Variants in GPC5 observed in about 807,000 individuals in gnomAD.
GPC5 encodes glypican 5, also known as glypican-5.
GPC5 carries 47 observed loss-of-function variants against 53.9 expected under a neutral mutation model. The ratio of observed to expected loss-of-function variants is 0.87; its 90% confidence interval spans 0.69 to 1.11. GPC5 has a LOEUF of 1.11. GPC5 is among the 50% of genes most tolerant of loss of function. The pLI, the probability that GPC5 is intolerant of heterozygous loss-of-function variation, is 0.00. For synonymous variants in GPC5, 286 were observed against 263.3 expected, an observed-to-expected ratio of 1.09 and a Z score of -0.84; for missense variants, 748 against 713.1, an observed-to-expected ratio of 1.05 and a Z score of -0.56.
chr13:92,310,031 C>T (rs2043135644), intron 7 of GPC5, among the ~76,000 whole-genome samples: 1 of 152,060 alleles, frequency 6.6e-6, no homozygotes, highest in Non-Finnish European at 1.5e-5. Context: ...GTTTATTTTG[C>T]TTACCATGAT....
At chr13:92,852,633 CT>C (rs1878853770) in intron 7 of GPC5, among the ~76,000 whole-genome samples, 1 of 151,980 alleles carries the variant, frequency 6.6e-6, no homozygotes, top group Non-Finnish European at 1.5e-5. Context: ...TGCAATGATG[CT>C]ATCATAGTTC....
intron 7 of GPC5, among the ~76,000 whole-genome samples, chr13:92,415,838 C>G (rs1011697975): frequency 6.6e-6 from 1 of 152,062 alleles, no homozygotes; most frequent in Non-Finnish European, 1.5e-5. Context: ...GATGAGGGTT[C>G]ATGCAAATGA....
In GPC5 at chr13:91,457,583, G is replaced by A. The variant is rs912416179; in HGVS notation, c.325+8661G>A. Among the ~76,000 whole-genome samples the A allele has an allele frequency of 5.3e-5, 8 of 152,056 alleles. No individual in the cohort carries two copies. In the South Asian group the frequency reaches 8.3e-4, roughly 16 times the overall value. ...GTGCATAGGGACAATGCACCCTGCCGCAGCACAGGGGATGACATGAAATGG... is the reference window on the plus strand; with the variant it reads ...GTGCATAGGGACAATGCACCCTGCCACAGCACAGGGGATGACATGAAATGG... On this transcript the variant is annotated intron_variant, in intron 2 of 7. Coordinates refer to ENST00000377067, the MANE Select transcript of GPC5 (RefSeq NM_004466.6).
chr13:92,664,354 ATT>A (rs34073544), intron 7 of GPC5, among the ~76,000 whole-genome samples: 7,807 of 144,100 alleles, frequency 0.054, 305 homozygotes, highest in East Asian at 0.16. Flanking sequence ...AATCCAATAG[ATT>A]TTTTTTTTTT....
chr13:91,581,255 G>A (rs1189577245), intron 2 of GPC5, among the ~76,000 whole-genome samples: 1 of 152,164 alleles, frequency 6.6e-6, no homozygotes, highest in Non-Finnish European at 1.5e-5. Context: ...TATATTCTGT[G>A]TACTCTAAAA....
At chr13:91,936,401 T>G (rs938044157) in intron 6 of GPC5, among the ~76,000 whole-genome samples, 3 of 151,972 alleles carry the variant, frequency 2.0e-5, no homozygotes, top group Admixed American at 1.3e-4. Context: ...TATTTTCCAC[T>G]GACAAAAGCT....
chr13:92,069,718 G>A (rs1168736215), intron 6 of GPC5, among the ~76,000 whole-genome samples: 1 of 152,026 alleles, frequency 6.6e-6, no homozygotes, highest in African/African-American at 2.4e-5. Flanking sequence ...ATAAGATCAT[G>A]ACTATCAAAT....
At position 92,814,275 on chromosome 13, in the gene GPC5, T is replaced by C. The variant is rs77726391; in HGVS notation, c.1562-52007T>C. 8.7e-3 allele frequency among the ~76,000 whole-genome samples: 1,317 copies of C among 151,764 alleles called. 39 individuals are homozygous for C. The highest frequency in any genetic ancestry group is 0.031 in the African/African-American group (1,263 of 41,258). On this transcript the variant is annotated intron_variant, in intron 7 of 7. Coordinates refer to ENST00000377067, the MANE Select transcript of GPC5 (RefSeq NM_004466.6). ...ACTACAAAACTCCCAGAGGAAAACA[T>C]AGGACAAAATCTTTGTGACCTTGGG... is the stretch of plus-strand genomic sequence containing the variant.
At chr13:91,696,699 G>A (rs562750311) in intron 3 of GPC5, among the ~76,000 whole-genome samples, 3 of 152,032 alleles carry the variant, frequency 2.0e-5, no homozygotes, top group South Asian at 2.1e-4. Flanking sequence ...TACTTCTGTT[G>A]GATGAATTTC....
chr13:91,873,060 A>G (rs1447241966), intron 5 of GPC5, among the ~76,000 whole-genome samples: 3 of 152,232 alleles, frequency 2.0e-5, no homozygotes, highest in Admixed American at 2.0e-4. Context: ...TCAGTAAATT[A>G]TTGATTCATT....
At chr13:91,653,741 G>T (rs954696033) in intron 2 of GPC5, among the ~76,000 whole-genome samples, 5 of 151,808 alleles carry the variant, frequency 3.3e-5, no homozygotes, top group African/African-American at 1.2e-4. Context: ...AACATCATAG[G>T]CAAGTTATGA....
At chr13:92,366,683 A>G (rs1679349535) in intron 7 of GPC5, among the ~76,000 whole-genome samples, 1 of 152,228 alleles carries the variant, frequency 6.6e-6, no homozygotes, top group Non-Finnish European at 1.5e-5. Flanking sequence ...TGTTCCATTA[A>G]ATATTTGTCA....
intron 7 of GPC5, among the ~76,000 whole-genome samples, chr13:92,206,624 C>T (rs2042339857): frequency 6.6e-6 from 1 of 152,064 alleles, no homozygotes; most frequent in Admixed American, 6.6e-5. Flanking sequence ...AGTCATTTTC[C>T]ACTAATATTA....
At chr13:92,407,382 C>A (rs779003483) in intron 7 of GPC5, among the ~76,000 whole-genome samples, 1 of 152,162 alleles carries the variant, frequency 6.6e-6, no homozygotes, top group East Asian at 1.9e-4. Flanking sequence ...GTAGCCTCGA[C>A]AAGATATTCT....
At chr13:91,673,004 C>A (rs2035285823) in intron 2 of GPC5, among the ~76,000 whole-genome samples, 1 of 152,002 alleles carries the variant, frequency 6.6e-6, no homozygotes, top group South Asian at 2.1e-4. Context: ...AGTGCATGTT[C>A]TCATTCGTAA....
intron 7 of GPC5, among the ~76,000 whole-genome samples, chr13:92,270,835 T>C (rs1357545359): frequency 6.6e-6 from 1 of 152,204 alleles, no homozygotes; most frequent in Non-Finnish European, 1.5e-5. Flanking sequence ...ATATAGACAT[T>C]AGAGTTACAT....
intron 7 of GPC5, among the ~76,000 whole-genome samples, chr13:92,744,232 G>GA (rs34030114): frequency 6.8e-4 from 101 of 149,546 alleles, no homozygotes; most frequent in Non-Finnish European, 8.8e-4. Flanking sequence ...TTCTGGTTTG[G>GA]AAAAAAAAAA....
intron 7 of GPC5, among the ~76,000 whole-genome samples, chr13:92,223,495 TA>T (rs768792346): frequency 6.6e-6 from 1 of 152,174 alleles, no homozygotes; most frequent in East Asian, 1.9e-4. Context: ...TACTATTTTT[TA>T]TAGTTTGCTT....
At chr13:91,634,747 A>G (rs1225463301) in intron 2 of GPC5, among the ~76,000 whole-genome samples, 1 of 152,082 alleles carries the variant, frequency 6.6e-6, no homozygotes, top group Non-Finnish European at 1.5e-5. Flanking sequence ...CGTGATGGCT[A>G]TAGGGCTTAA....
Sources: allele counts gnomAD v4.1 joint callset (sites outside exome capture counted in the v4.1 genomes callset), GRCh38; gene constraint gnomAD v4.1.1; transcripts MANE v1.5; gene names NCBI Gene and HGNC (gene_info 2026-07-23, HGNC 2026-07-21).